TLN2: variants seen among roughly 807,000 people sequenced by gnomAD.
The protein encoded by TLN2 is talin 2, also known as talin-2.
TLN2 carries 118 observed loss-of-function variants against 294.7 expected under a neutral mutation model. The observed-to-expected ratio is 0.40, with a 90% CI of 0.34 to 0.47. The LOEUF is 0.47. TLN2 is among the 20% of genes least tolerant of loss of function. TLN2 has a pLI of 0.84. For synonymous variants in TLN2, 1,431 were observed against 1,304.5 expected, an observed-to-expected ratio of 1.10 and a Z score of -2.09; for missense variants, 3,083 against 3,282.2, an observed-to-expected ratio of 0.94 and a Z score of 1.48.
At chr15:62,692,122 CT>C (rs2057971149) in intron 12 of TLN2, among the ~76,000 whole-genome samples, 1 of 152,178 alleles carries the variant, frequency 6.6e-6, no homozygotes. Flanking sequence ...CTATTCTGGA[CT>C]GATTTTTTCT....
intron 34 of TLN2, among the ~76,000 whole-genome samples, chr15:62,750,998 T>C (rs1402266750): frequency 6.6e-6 from 1 of 152,138 alleles, no homozygotes; most frequent in Non-Finnish European, 1.5e-5. Flanking sequence ...TTTGTTTTGG[T>C]AGGACATTGG....
chr15:62,482,715 A>C (rs1458403226), intron 1 of TLN2, among the ~76,000 whole-genome samples: 1 of 151,684 alleles, frequency 6.6e-6, no homozygotes, highest in Non-Finnish European at 1.5e-5. Flanking sequence ...TAAAAGCAAA[A>C]TAAATACAAA....
chr15:62,454,599 C>A (rs1009256467), intron 1 of TLN2, among the ~76,000 whole-genome samples: 2 of 152,142 alleles, frequency 1.3e-5, no homozygotes, highest in African/African-American at 2.4e-5. Context: ...AAGTGGGGTA[C>A]AGCACAGGAC....
At chr15:62,676,956 T>G (rs753689336) in intron 11 of TLN2, among the ~76,000 whole-genome samples, 12 of 152,174 alleles carry the variant, frequency 7.9e-5, no homozygotes, top group Non-Finnish European at 1.8e-4. Flanking sequence ...CTAGATCCAT[T>G]GATTCAGTGG....
intron 14 of TLN2, among the ~76,000 whole-genome samples, chr15:62,696,841 C>T (rs974305005): frequency 2.6e-5 from 4 of 152,270 alleles, no homozygotes; most frequent in Admixed American, 2.0e-4. Context: ...ATGAAACATC[C>T]TCTGTGGTCA....
At chr15:62,785,486 A>C (rs1314503626) in intron 45 of TLN2, among the ~76,000 whole-genome samples, 1 of 151,928 alleles carries the variant, frequency 6.6e-6, no homozygotes, top group African/African-American at 2.4e-5. Flanking sequence ...AACATGGCGT[A>C]CCCCCTTGTC....
chr15:62,787,577 A>G (rs758548082), intron 45 of TLN2, among the ~76,000 whole-genome samples: 41 of 152,024 alleles, frequency 2.7e-4, no homozygotes, highest in Non-Finnish European at 4.3e-4. Context: ...TATGTCTTTG[A>G]GCTACATTCC....
intron 1 of TLN2, among the ~76,000 whole-genome samples, chr15:62,525,380 T>G (rs1248112755): frequency 6.6e-6 from 1 of 152,220 alleles, no homozygotes; most frequent in Non-Finnish European, 1.5e-5. Flanking sequence ...TATACAGATT[T>G]ATGCAACTTG....
At chr15:62,551,673 T>C (rs1424923093) in intron 1 of TLN2, among the ~76,000 whole-genome samples, 2 of 152,200 alleles carry the variant, frequency 1.3e-5, no homozygotes, top group Non-Finnish European at 2.9e-5. Context: ...CACTCCAGCC[T>C]GAGCTTCAGA....
chr15:62,695,415 A>G (rs2058258227), intron 14 of TLN2, among the ~76,000 whole-genome samples: 1 of 152,140 alleles, frequency 6.6e-6, no homozygotes, highest in African/African-American at 2.4e-5. Context: ...TGGGCAGTGG[A>G]GGAGGCTACA....
intron 1 of TLN2, among the ~76,000 whole-genome samples, chr15:62,473,818 G>A (rs1040577079): frequency 6.6e-6 from 1 of 152,240 alleles, no homozygotes; most frequent in African/African-American, 2.4e-5. Context: ...ACAGGGCCGG[G>A]CATGGTGGCT....
Position 62,742,695 on chromosome 15 carries a change from T to G in TLN2, c.4025+1926T>G, listed in dbSNP as rs185144220. Among the ~76,000 whole-genome samples, 53 of 152,336 alleles carry G rather than the reference T, an allele frequency of 3.5e-4. 2 individuals carry two copies. The highest frequency in any genetic ancestry group is 1.9e-4 in the Non-Finnish European group (13 of 68,022). On this transcript the variant is annotated intron_variant, in intron 32 of 58. Coordinates refer to ENST00000636159, the MANE Select transcript of TLN2 (RefSeq NM_015059.3). ...AGCAGTTGACGGAGAATTCCCAGCC[T>G]GGTGATTTCATAGCCAGGTAAGCAC...
At chr15:62,755,330 T>C (rs1394063095) in intron 36 of TLN2, 1 of 604,794 alleles carries the variant, frequency 1.7e-6, no homozygotes. Context: ...TCCTTTTTTC[T>C]TATTCTTTCT....
intron 1 of TLN2, among the ~76,000 whole-genome samples, chr15:62,449,876 T>C (rs1282712010): frequency 6.6e-6 from 1 of 152,194 alleles, no homozygotes; most frequent in Admixed American, 6.5e-5. Context: ...CAATGAAAAG[T>C]GCATGGTTCC....
chr15:62,537,194 A>G lies in TLN2; in HGVS notation c.-237-52493A>G, dbSNP rs140438909. The stretch of plus-strand genomic sequence containing the variant: ...CCACCACGCCCGGCTAATATTTTAT[A>G]TTTTTAGTACAGATGGGGTTTCGCC... On this transcript the variant is annotated intron_variant, in intron 1 of 58. Coordinates refer to ENST00000636159, the MANE Select transcript of TLN2 (RefSeq NM_015059.3). Among the ~76,000 whole-genome samples the G allele has an allele frequency of 1.8e-3, 273 of 151,862 alleles. 2 individuals are homozygous for G. The highest frequency in any genetic ancestry group is 6.4e-3 in the African/African-American group (266 of 41,384).
chr15:62,681,911 C>T (rs2056866972), intron 11 of TLN2, among the ~76,000 whole-genome samples: 1 of 152,164 alleles, frequency 6.6e-6, no homozygotes, highest in Admixed American at 6.5e-5. Context: ...TGCCACCACG[C>T]CCAGCTAATT....
At chr15:62,682,426 A>T (rs1488683960) in intron 11 of TLN2, among the ~76,000 whole-genome samples, 1 of 152,188 alleles carries the variant, frequency 6.6e-6, no homozygotes, top group East Asian at 1.9e-4. Flanking sequence ...TCATATAATG[A>T]ATTCATATGG....
chr15:62,433,568 G>A (rs565037115), intron 1 of TLN2, among the ~76,000 whole-genome samples: 32 of 152,092 alleles, frequency 2.1e-4, no homozygotes, highest in South Asian at 6.3e-4. Flanking sequence ...TGCTTGCTTC[G>A]GGTCTGCTCA....
At chr15:62,687,138 C>T (rs2057351802) in intron 12 of TLN2, among the ~76,000 whole-genome samples, 1 of 152,196 alleles carries the variant, frequency 6.6e-6, no homozygotes, top group African/African-American at 2.4e-5. Flanking sequence ...TTCTAGTGCT[C>T]TGAGACACAA....
Sources: gnomAD v4.1 joint callset for allele counts (sites outside exome capture counted in the v4.1 genomes callset) on GRCh38, gnomAD v4.1.1 for gene constraint, MANE v1.5 for transcripts, NCBI Gene and HGNC (gene_info 2026-07-23, HGNC 2026-07-21) for gene names.